Variants in KANSL1L observed in about 807,000 individuals in gnomAD.
The protein encoded by KANSL1L is KAT8 regulatory NSL complex subunit 1 like.
A neutral mutation model predicts 108.6 loss-of-function variants in KANSL1L; 25 were observed. That is an observed-to-expected ratio of 0.23 (90% CI 0.17 to 0.32). The LOEUF (loss-of-function observed/expected upper bound fraction) is 0.32, where lower values mean the gene tolerates loss of function less well. KANSL1L is among the 10% of genes least tolerant of loss of function. The probability of loss-of-function intolerance (pLI) is 1.00; values close to 1 mark genes in which losing one functional copy is unlikely to be tolerated. For synonymous variants in KANSL1L, 405 were observed against 395.1 expected (o/e 1.03, Z -0.30); for missense variants, 1,137 against 1,125.7 (o/e 1.01, Z -0.14).
intron 1 of KANSL1L, among the ~76,000 whole-genome samples, chr2:210,156,655 A>C: frequency 6.6e-6 from 1 of 152,124 alleles, no homozygotes; most frequent in Non-Finnish European, 1.5e-5. Flanking sequence ...AAGAATAAAA[A>C]GTGAACCAGA....
intron 3 of KANSL1L, 100 bp downstream of exon 3, chr2:210,128,931 T>C: frequency 9.7e-7 from 1 of 1,029,518 alleles, no homozygotes; most frequent in Non-Finnish European, 1.4e-6. Context: ...CTGGCTACAT[T>C]TTTATAAAAC....
chr2:210,164,478 C>G (rs1362288602), intron 1 of KANSL1L, among the ~76,000 whole-genome samples: 1 of 152,064 alleles, frequency 6.6e-6, no homozygotes, highest in African/African-American at 2.4e-5. Context: ...AATGTCTTTA[C>G]AACTACTAAA....
At chr2:210,139,408 CT>C (rs1257749739) in intron 2 of KANSL1L, among the ~76,000 whole-genome samples, 1 of 152,100 alleles carries the variant, frequency 6.6e-6, no homozygotes, top group African/African-American at 2.4e-5. Context: ...ATTTAATTTC[CT>C]TTTGACATAT....
chr2:210,107,593 A>G (rs55853616), intron 3 of KANSL1L, among the ~76,000 whole-genome samples: 290 of 151,118 alleles, frequency 1.9e-3, no homozygotes, highest in South Asian at 6.5e-3. Flanking sequence ...CAGTGGCGCA[A>G]TCTTGACTCA....
At chr2:210,126,481 A>G (rs1315320976) in intron 3 of KANSL1L, among the ~76,000 whole-genome samples, 1 of 152,140 alleles carries the variant, frequency 6.6e-6, no homozygotes, top group East Asian at 1.9e-4. Context: ...GGTCATACAA[A>G]ATCTCATGAG....
At chr2:210,084,403 C>A (rs1020493281) in intron 5 of KANSL1L, among the ~76,000 whole-genome samples, 4 of 152,038 alleles carry the variant, frequency 2.6e-5, no homozygotes, top group Non-Finnish European at 5.9e-5. Flanking sequence ...GTCTGGGCAA[C>A]AAGAGCGAGA....
At chr2:210,092,985 C>G (rs1176388008) in intron 5 of KANSL1L, among the ~76,000 whole-genome samples, 1 of 151,916 alleles carries the variant, frequency 6.6e-6, no homozygotes, top group African/African-American at 2.4e-5. Flanking sequence ...CCCTGTGGTC[C>G]CTAGTGGTGG....
intron 3 of KANSL1L, among the ~76,000 whole-genome samples, chr2:210,107,473 C>A (rs1457552302): frequency 2.0e-5 from 3 of 148,888 alleles, no homozygotes; most frequent in Admixed American, 6.7e-5. Context: ...TCGCAAGAAC[C>A]ACCAAAGGAT....
chr2:210,070,033 T>C (rs2125309135), intron 6 of KANSL1L, among the ~76,000 whole-genome samples: 1 of 151,290 alleles, frequency 6.6e-6, no homozygotes, highest in South Asian at 2.1e-4. Flanking sequence ...TTCACCATGT[T>C]GGTCAGGCTG....
At chr2:210,119,616 C>T (rs897724622) in intron 3 of KANSL1L, among the ~76,000 whole-genome samples, 3 of 152,120 alleles carry the variant, frequency 2.0e-5, no homozygotes, top group African/African-American at 7.2e-5. Flanking sequence ...GATGCTGAAA[C>T]AGTGTTTAAG....
chr2:210,131,544 C>T (rs902815660), intron 2 of KANSL1L, among the ~76,000 whole-genome samples: 16 of 151,924 alleles, frequency 1.1e-4, no homozygotes, highest in African/African-American at 2.9e-4. Flanking sequence ...TATTATTGTA[C>T]TTCTGGTAAA....
chr2:210,120,261 A>T (rs2125503998), intron 3 of KANSL1L, among the ~76,000 whole-genome samples: 1 of 152,186 alleles, frequency 6.6e-6, no homozygotes, highest in African/African-American at 2.4e-5. Context: ...GCATGGTGGC[A>T]TGTGCCTGTA....
At position 210,023,934 on chromosome 2, in the gene KANSL1L, TG is replaced by T. The variant is rs769217965; in HGVS notation, c.2733+98del. On this transcript the variant is annotated intron_variant, in intron 14 of 14. Transcript: ENST00000281772. ...TATACCTAACTTATTGAATTTGTTATGTAATGATGTAATAAACTTAATTTTT... is the reference window on the plus strand; with the variant it reads ...TATACCTAACTTATTGAATTTGTTATTAATGATGTAATAAACTTAATTTTT... The T allele has an allele frequency of 1.6e-5, 11 of 706,628 alleles. No individual in the cohort carries two copies. The East Asian group carries it at 3.1e-4, about 20-fold the overall frequency. The allele number at this position is 706,628 out of a possible 1,614,324, so 43.8% of individuals were successfully genotyped here.
intron 5 of KANSL1L, among the ~76,000 whole-genome samples, chr2:210,090,383 G>T (rs944278916): frequency 6.6e-6 from 1 of 152,110 alleles, no homozygotes; most frequent in African/African-American, 2.4e-5. Context: ...GTAGAACTTG[G>T]ATTAGAGGGG....
chr2:210,115,273 T>A (rs930136539), intron 3 of KANSL1L, among the ~76,000 whole-genome samples: 1 of 152,010 alleles, frequency 6.6e-6, no homozygotes, highest in Admixed American at 6.6e-5. Context: ...ACAAAACAGA[T>A]TTTAAATTAA....
At chr2:210,038,964 T>C (rs1306237075) in intron 8 of KANSL1L, among the ~76,000 whole-genome samples, 1 of 151,962 alleles carries the variant, frequency 6.6e-6, no homozygotes, top group Non-Finnish European at 1.5e-5. Flanking sequence ...GTTGTTGTTG[T>C]CATTATTATT....
At chr2:210,147,850 T>C (rs899740138) in intron 2 of KANSL1L, among the ~76,000 whole-genome samples, 1 of 152,240 alleles carries the variant, frequency 6.6e-6, no homozygotes, top group African/African-American at 2.4e-5. Flanking sequence ...AGGGAAATAC[T>C]GGATCACCTT....
chr2:210,165,759 G>A (rs1687915528), intron 1 of KANSL1L, among the ~76,000 whole-genome samples: 1 of 152,170 alleles, frequency 6.6e-6, no homozygotes, highest in African/African-American at 2.4e-5. Flanking sequence ...AGGAAAGCAT[G>A]AGTTACTATT....
chr2:210,035,117 A>T (rs932016014), intron 8 of KANSL1L: 2 of 152,222 alleles, frequency 1.3e-5, no homozygotes, highest in African/African-American at 4.8e-5. Context: ...CAATATCTCT[A>T]TAATGTTATT....
Sources: gnomAD v4.1 joint callset for allele counts (sites outside exome capture counted in the v4.1 genomes callset) on GRCh38, gnomAD v4.1.1 for gene constraint, MANE v1.5 for transcripts, NCBI Gene and HGNC (gene_info 2026-07-23, HGNC 2026-07-21) for gene names.